The following SPOCK3 variants were observed in gnomAD, a reference collection of about 807,000 sequenced individuals.
The protein encoded by SPOCK3 is SPARC (osteonectin), cwcv and kazal like domains proteoglycan 3.
SPOCK3 carries 30 observed loss-of-function variants against 56.6 expected under a neutral mutation model. That is an observed-to-expected ratio of 0.53 (90% CI 0.40 to 0.72). The LOEUF (loss-of-function observed/expected upper bound fraction) is 0.72, where lower values mean the gene tolerates loss of function less well. Ranked by LOEUF, SPOCK3 falls within the 30% of genes least tolerant of loss-of-function variation. SPOCK3 has a pLI of 0.00. For synonymous variants in SPOCK3, 196 were observed against 183.3 expected, an observed-to-expected ratio of 1.07 and a Z score of -0.56; for missense variants, 527 against 530.0, an observed-to-expected ratio of 0.99 and a Z score of 0.06.
chr4:167,206,847 T>C (rs183359146), intron 2 of SPOCK3, among the ~76,000 whole-genome samples: 33 of 152,002 alleles, frequency 2.2e-4, no homozygotes, highest in Admixed American at 1.5e-3. Flanking sequence ...TTGAAAGTAG[T>C]CCATAGAAAA....
intron 5 of SPOCK3, among the ~76,000 whole-genome samples, chr4:166,894,245 T>C (rs1206594727): frequency 1.3e-5 from 2 of 152,084 alleles, no homozygotes; most frequent in African/African-American, 2.4e-5. Context: ...AAATGTTATA[T>C]TAATAATATA....
intron 4 of SPOCK3, among the ~76,000 whole-genome samples, chr4:166,990,740 T>A (rs1383437112): frequency 6.6e-6 from 1 of 152,074 alleles, no homozygotes; most frequent in Admixed American, 6.6e-5. Context: ...TAAAATGTCA[T>A]GATTAAAATA....
chr4:166,936,558 T>C (rs535209060), intron 4 of SPOCK3, among the ~76,000 whole-genome samples: 1 of 152,056 alleles, frequency 6.6e-6, no homozygotes, highest in Non-Finnish European at 1.5e-5. Context: ...GATCTCTAGT[T>C]ATCCAGTGGC....
intron 7 of SPOCK3, among the ~76,000 whole-genome samples, chr4:166,768,867 T>C (rs1156776854): frequency 2.0e-5 from 3 of 152,224 alleles, no homozygotes; most frequent in Non-Finnish European, 4.4e-5. Flanking sequence ...CCCATATTTG[T>C]TGGAAGCTTT....
chr4:166,962,141 T>C (rs1047806337), intron 4 of SPOCK3, among the ~76,000 whole-genome samples: 1 of 152,164 alleles, frequency 6.6e-6, no homozygotes, highest in African/African-American at 2.4e-5. Context: ...ATGATTACTA[T>C]GAGCCTACTC....
chr4:167,201,449 A>G (rs1278406806), intron 2 of SPOCK3, among the ~76,000 whole-genome samples: 1 of 151,966 alleles, frequency 6.6e-6, no homozygotes, highest in Non-Finnish European at 1.5e-5. Flanking sequence ...AAGCTGTCAT[A>G]TCATCCTTAA....
intron 2 of SPOCK3, among the ~76,000 whole-genome samples, chr4:167,099,142 C>T (rs1241053217): frequency 6.6e-6 from 1 of 151,388 alleles, no homozygotes; most frequent in Admixed American, 6.6e-5. Context: ...GAGATTTTTC[C>T]CATTCATTTG....
At chr4:167,181,913 A>C (rs964950327) in intron 2 of SPOCK3, among the ~76,000 whole-genome samples, 9 of 152,176 alleles carry the variant, frequency 5.9e-5, no homozygotes, top group Non-Finnish European at 1.2e-4. Context: ...CTGAAATGTA[A>C]GTACCATGAA....
chr4:167,085,513 C>T (rs774516294), intron 2 of SPOCK3, among the ~76,000 whole-genome samples: 18 of 152,094 alleles, frequency 1.2e-4, no homozygotes, highest in Non-Finnish European at 2.4e-4. Flanking sequence ...TATCTGCTTC[C>T]TTCCTTTCAA....
intron 7 of SPOCK3, among the ~76,000 whole-genome samples, chr4:166,765,934 A>C (rs989543142): frequency 4.6e-5 from 7 of 151,870 alleles, no homozygotes; most frequent in Non-Finnish European, 8.8e-5. Context: ...TAGGTATTTT[A>C]TTCTCTTTGA....
intron 7 of SPOCK3, among the ~76,000 whole-genome samples, chr4:166,768,444 T>A (rs927427110): frequency 1.6e-4 from 25 of 152,206 alleles, no homozygotes; most frequent in African/African-American, 6.0e-4. Flanking sequence ...CCTTCACTTA[T>A]GAAGCTAGTT....
intron 2 of SPOCK3, among the ~76,000 whole-genome samples, chr4:167,104,288 ACAGAGAAAT>A (rs1253676367): frequency 6.6e-6 from 1 of 152,210 alleles, no homozygotes; most frequent in Non-Finnish European, 1.5e-5. Flanking sequence ...GACATTTCTG[ACAGAGAAAT>A]CAAAATAGCT....
At chr4:166,883,869 C>G (rs746843198) in intron 6 of SPOCK3, among the ~76,000 whole-genome samples, 1 of 151,966 alleles carries the variant, frequency 6.6e-6, no homozygotes, top group Non-Finnish European at 1.5e-5. Context: ...AAATTATAAC[C>G]GCTAAAACAT....
At chr4:166,958,314 C>T (rs1019224046) in intron 4 of SPOCK3, among the ~76,000 whole-genome samples, 1 of 152,134 alleles carries the variant, frequency 6.6e-6, no homozygotes, top group South Asian at 2.1e-4. Flanking sequence ...CTGAGGCCTC[C>T]CCAGAAGCAG....
intron 4 of SPOCK3, among the ~76,000 whole-genome samples, chr4:166,943,679 G>A (rs955096913): frequency 6.6e-6 from 1 of 151,918 alleles, no homozygotes; most frequent in African/African-American, 2.4e-5. Context: ...AATGTTTCAG[G>A]GTATTACTTC....
At chr4:167,177,507 A>G (rs949591766) in intron 2 of SPOCK3, among the ~76,000 whole-genome samples, 2 of 152,076 alleles carry the variant, frequency 1.3e-5, no homozygotes, top group Non-Finnish European at 2.9e-5. Flanking sequence ...GGCACCTCAG[A>G]GAGTGATTGG....
At chr4:166,924,962 G>T (rs1384679228) in intron 4 of SPOCK3, among the ~76,000 whole-genome samples, 1 of 152,120 alleles carries the variant, frequency 6.6e-6, no homozygotes, top group Non-Finnish European at 1.5e-5. Flanking sequence ...GCATTATTTA[G>T]GATTGGGGTT....
chr4:167,206,196 C>T (rs1183405748), intron 2 of SPOCK3, among the ~76,000 whole-genome samples: 1 of 151,904 alleles, frequency 6.6e-6, no homozygotes. Context: ...TGGTGGTATG[C>T]ACCTGTAATC....
chr4:166,878,037 G>C (rs1273967993), intron 6 of SPOCK3, among the ~76,000 whole-genome samples: 1 of 152,088 alleles, frequency 6.6e-6, no homozygotes, highest in African/African-American at 2.4e-5. Context: ...AGCACTTTGG[G>C]AGGCCGAGGC....
Sources: allele counts gnomAD v4.1 joint callset (sites outside exome capture counted in the v4.1 genomes callset), GRCh38; gene constraint gnomAD v4.1.1; transcripts MANE v1.5; gene names NCBI Gene and HGNC (gene_info 2026-07-23, HGNC 2026-07-21).